The following PPP1R12C variants were observed in gnomAD, a reference collection of about 807,000 sequenced individuals.
The protein encoded by PPP1R12C is protein phosphatase 1 regulatory subunit 12C.
PPP1R12C carries 48 observed loss-of-function variants against 95.6 expected under a neutral mutation model. The ratio of observed to expected loss-of-function variants is 0.50; its 90% CI spans 0.40 to 0.64. PPP1R12C has a LOEUF of 0.64. PPP1R12C is among the 30% of genes least tolerant of loss of function. The pLI, the probability that PPP1R12C is intolerant of heterozygous loss-of-function variation, is 0.00. For synonymous variants in PPP1R12C, 480 were observed against 460.8 expected (o/e 1.04, Z -0.53); for missense variants, 1,057 against 1,083.3 (o/e 0.98, Z 0.34).
rs769942138 is a variant in PPP1R12C at position 55,109,272 on chromosome 19, T to C, written c.571+3195A>G. ...CATTCCCACGCCTGGCTAATGTGTT[T>C]TGTTTTATAGAGATGGGTTCTCACT... On this transcript the variant is annotated intron_variant, in intron 3 of 21. Coordinates refer to ENST00000263433, the MANE Select transcript of PPP1R12C (RefSeq NM_017607.4). The surrounding 1 kb of genome is among the most constrained non-coding windows in gnomAD (Gnocchi z 4.4). Among the ~76,000 whole-genome samples, 86 of 152,126 alleles carry C rather than the reference T, an allele frequency of 5.7e-4. No individual in the cohort carries two copies. The highest frequency in any genetic ancestry group is 1.1e-3 in the Non-Finnish European group (74 of 68,022).
intron 3 of PPP1R12C, among the ~76,000 whole-genome samples, chr19:55,111,049 A>G (rs1262748218): frequency 6.6e-6 from 1 of 151,084 alleles, no homozygotes; most frequent in Non-Finnish European, 1.5e-5. Flanking sequence ...TCAAAAAGTT[A>G]AAAGCTGATG....
intron 3 of PPP1R12C, among the ~76,000 whole-genome samples, chr19:55,107,547 T>C (rs971137418): frequency 4.6e-5 from 7 of 152,064 alleles, no homozygotes; most frequent in Admixed American, 3.3e-4. Flanking sequence ...TTCATGTCCT[T>C]TGTAGGGACA....
intron 3 of PPP1R12C, among the ~76,000 whole-genome samples, chr19:55,105,483 T>C (rs2085028604): frequency 6.6e-6 from 1 of 152,166 alleles, no homozygotes; most frequent in South Asian, 2.1e-4. Context: ...GTTTTCTTTA[T>C]CTTTTGTTGT....
chr19:55,094,544 A>G, intron 12 of PPP1R12C, 109 bp from the exon 13 acceptor site: 2 of 1,564,590 alleles, frequency 1.3e-6, no homozygotes, highest in Non-Finnish European at 1.7e-6. Context: ...TCCAACTCCC[A>G]GCAGACCTGA....
At chr19:55,094,575 C>T in intron 12 of PPP1R12C, 86 bp downstream of exon 12, 1 of 1,532,714 alleles carries the variant, frequency 6.5e-7, no homozygotes. Context: ...CCCTCAGGAG[C>T]CCACCCAAAG....
intron 4 of PPP1R12C, among the ~76,000 whole-genome samples, chr19:55,099,560 A>G (rs1309965162): frequency 6.6e-6 from 1 of 152,182 alleles, no homozygotes; most frequent in East Asian, 1.9e-4. Context: ...GCTGTCCCCC[A>G]GGGGAGACCC....
At chr19:55,116,289 G>A (rs546364929) in intron 1 of PPP1R12C, among the ~76,000 whole-genome samples, 1 of 152,092 alleles carries the variant, frequency 6.6e-6, no homozygotes, top group South Asian at 2.1e-4. Flanking sequence ...AAGACGGCAT[G>A]GGGTTGGGTG....
chr19:55,094,680 C>A lies in PPP1R12C; in HGVS notation c.1573G>T (p.Asp525Tyr). 1.2e-6 allele frequency: 2 copies of A among 1,602,390 alleles called. No homozygotes were observed. The highest frequency in any genetic ancestry group is 1.7e-6 in the Non-Finnish European group (2 of 1,176,524). Residue 525 changes from aspartate (D) to tyrosine (Y), a missense_variant, in exon 12 of 22, where the codon GAC (aspartate) becomes TAC (tyrosine). Coordinates refer to ENST00000263433, the MANE Select transcript of PPP1R12C (RefSeq NM_017607.4). ...CTTCACCTCCGTCGGTCCCGGGAGT[C>A]CGCTGGGGGCGCCGTGGAGGCTGTG... ...VPTASTAPPA[D>Y]SRDRRRSYQM...
intron 19 of PPP1R12C, 34 bp downstream of exon 19, chr19:55,092,188 C>G: frequency 6.6e-7 from 1 of 1,523,816 alleles, no homozygotes. Context: ...GGCGGCCCTG[C>G]CAGTTCCCGT....
intron 3 of PPP1R12C, among the ~76,000 whole-genome samples, chr19:55,105,299 G>A (rs1372675622): frequency 6.6e-6 from 1 of 152,140 alleles, no homozygotes; most frequent in Non-Finnish European, 1.5e-5. Context: ...GGGGAAGGGA[G>A]GGTGACTGGC....
intron 3 of PPP1R12C, among the ~76,000 whole-genome samples, chr19:55,104,314 A>G (rs1449294958): frequency 6.7e-6 from 1 of 149,158 alleles, no homozygotes; most frequent in Non-Finnish European, 1.5e-5. Flanking sequence ...CACATTTCCT[A>G]TATATATAAA....
rs376301631 is a variant in PPP1R12C at position 55,093,057 on chromosome 19, C to T, written c.1784G>A (p.Arg595His). 8 of 1,600,080 alleles carry T rather than the reference C, an allele frequency of 5.0e-6. No homozygotes were observed. In the African/African-American group the frequency reaches 8.1e-5, roughly 16 times the overall value. ...GTCAGAGTTCTCCACTCCAGGGACG[C>T]GGGGCCTTCGGGAAGGGTCCTGTCG... ...AQSLDPSRRP[R>H]VPGVENSDSP... is the part of the protein sequence containing the mutation. Residue 595 changes from arginine to histidine, a missense_variant, in exon 15 of 22, where the codon CGC (arginine) becomes CAC (histidine). Transcript: ENST00000263433.
At position 55,094,446 on chromosome 19, in the gene PPP1R12C, G is replaced by A; in HGVS notation, c.1593-11C>T. ...GGCATCTGGTAGGACCTGAGGGAAGGGTCCCAACCTCAGACAGGGAACCTG... is the reference window on the plus strand; with the variant it reads ...GGCATCTGGTAGGACCTGAGGGAAGAGTCCCAACCTCAGACAGGGAACCTG... On this transcript the variant is annotated splice_polypyrimidine_tract_variant and intron_variant, in intron 12 of 21. Coordinates refer to ENST00000263433, the MANE Select transcript of PPP1R12C (RefSeq NM_017607.4). The A allele has an allele frequency of 6.2e-7, 1 of 1,613,596 alleles. No homozygotes were observed. Among genetic ancestry groups the A allele is most frequent in the African/African-American group, 1.3e-5 (1 of 75,032 alleles).
In PPP1R12C at chr19:55,110,891, G is replaced by T. The variant is rs1006389854; in HGVS notation, c.571+1576C>A. Among the ~76,000 whole-genome samples, 12 of 151,344 alleles carry T rather than the reference G, an allele frequency of 7.9e-5. No individual in the cohort carries two copies. In the East Asian group the frequency reaches 2.3e-3, roughly 29 times the overall value. ...TTTCAAAAAAAAAAAAAAGGCTCAG[G>T]AATGGAAAGGCAGGGGTGGGGTGGT... is the stretch of plus-strand genomic sequence containing the variant. On this transcript the variant is annotated intron_variant, in intron 3 of 21. Transcript: ENST00000263433.
chr19:55,106,295 T>C (rs909064440), intron 3 of PPP1R12C, among the ~76,000 whole-genome samples: 1 of 152,238 alleles, frequency 6.6e-6, no homozygotes, highest in Non-Finnish European at 1.5e-5. Context: ...CAAACAATAC[T>C]ATGATGAACA....
intron 3 of PPP1R12C, among the ~76,000 whole-genome samples, chr19:55,110,096 G>A (rs539299242): frequency 7.9e-5 from 12 of 152,108 alleles, no homozygotes; most frequent in Non-Finnish European, 1.6e-4. Flanking sequence ...AAAATACAAC[G>A]TCAGAAAGTT....
intron 21 of PPP1R12C, 25 bp from the exon 22 acceptor site, chr19:55,091,583 G>T: frequency 6.2e-7 from 1 of 1,611,940 alleles, no homozygotes; most frequent in South Asian, 1.1e-5. Flanking sequence ...GGGTCAGCTG[G>T]GCAGCCCTGG....
In PPP1R12C at chr19:55,095,568, G is replaced by A. The variant is rs755181521; in HGVS notation, c.1263C>T (p.Gly421=). ...LEEAPFSRRF[G]LLKTGSSGAL... ...CACCAGAACTCCCTGTCTTCAGGAG[G>A]CCAAAGCGCCTGGAGAAGGGGGCCT... Residue 421 remains glycine (G), a synonymous_variant, in exon 10 of 22, where the codon GGC becomes GGT. Coordinates refer to ENST00000263433, the MANE Select transcript of PPP1R12C (RefSeq NM_017607.4). 2.5e-6 allele frequency: 4 copies of A among 1,581,966 alleles called. No individual in the cohort carries two copies. The South Asian group carries it at 3.5e-5, about 14-fold the overall frequency.
chr19:55,097,324 C>A (rs2084928977), intron 6 of PPP1R12C, among the ~76,000 whole-genome samples: 1 of 125,598 alleles, frequency 8.0e-6, no homozygotes, highest in Non-Finnish European at 1.7e-5. Context: ...ACCGTCTTCA[C>A]CCCTTCCCTG....
Sources: allele counts gnomAD v4.1 joint callset (sites outside exome capture counted in the v4.1 genomes callset), GRCh38; gene constraint gnomAD v4.1.1; non-coding constraint Gnocchi (gnomAD v3.1); transcripts MANE v1.5; gene names NCBI Gene and HGNC (gene_info 2026-07-23, HGNC 2026-07-21).